PARL: variants seen among roughly 807,000 people sequenced by gnomAD.
PARL encodes presenilin associated rhomboid like.
Under a neutral mutation model 51.6 loss-of-function variants are expected in PARL, and 44 were observed. The observed-to-expected ratio is 0.85, with a 90% CI of 0.67 to 1.10. The LOEUF (loss-of-function observed/expected upper bound fraction) is 1.10. Among genes scored for constraint, PARL ranks in the 50% least tolerant of loss-of-function variants. The pLI, the probability that PARL is intolerant of heterozygous loss-of-function variation, is 0.00. For synonymous variants in PARL, 172 were observed against 164.0 expected (o/e 1.05, Z -0.37); for missense variants, 441 against 469.5 (o/e 0.94, Z 0.56).
At chr3:183,862,841 T>C (rs748249859) in intron 3 of PARL, 40 bp from the exon 4 acceptor site, 4 of 1,545,994 alleles carry the variant, frequency 2.6e-6, no homozygotes, top group Non-Finnish European at 3.6e-6. Flanking sequence ...ATGTGAGAAA[T>C]TTCAGGCTAC....
intron 1 of PARL, among the ~76,000 whole-genome samples, chr3:183,869,428 G>A (rs1577372252): frequency 6.6e-6 from 1 of 151,880 alleles, no homozygotes; most frequent in Non-Finnish European, 1.5e-5. Context: ...GGCTGGTCTC[G>A]AACTCCTGAC....
intron 9 of PARL, 60 bp downstream of exon 9, chr3:183,833,432 G>A (rs1272994717): frequency 1.0e-6 from 1 of 993,648 alleles, no homozygotes; most frequent in Non-Finnish European, 1.6e-6. Flanking sequence ...GGTGAGGCTG[G>A]GGTAGGAGGA....
chr3:183,842,543 C>T (rs1288500859), intron 5 of PARL, 96 bp from the exon 6 acceptor site: 3 of 1,154,788 alleles, frequency 2.6e-6, no homozygotes, highest in South Asian at 1.2e-5. Flanking sequence ...GACGCAGTGG[C>T]TCACGCCTGT....
chr3:183,875,440 A>G (rs1053657195), intron 1 of PARL, among the ~76,000 whole-genome samples: 7 of 143,172 alleles, frequency 4.9e-5, no homozygotes, highest in African/African-American at 1.5e-4. Flanking sequence ...AAAAAAAAAT[A>G]GAGTAAGAAA....
chr3:183,839,693 A>G (rs1729061521), intron 7 of PARL, among the ~76,000 whole-genome samples: 1 of 151,910 alleles, frequency 6.6e-6, no homozygotes, highest in Non-Finnish European at 1.5e-5. Context: ...TGCTGGGATT[A>G]CAGGTGTGAG....
intron 4 of PARL, among the ~76,000 whole-genome samples, chr3:183,853,383 C>T (rs1237242120): frequency 1.3e-5 from 2 of 151,888 alleles, no homozygotes; most frequent in Admixed American, 1.3e-4. Context: ...GCCAACATGG[C>T]GAAACCCCAT....
chr3:183,879,963 T>C lies in PARL; in HGVS notation c.125+4759A>G, dbSNP rs140359161. 2.3e-4 allele frequency among the ~76,000 whole-genome samples: 34 copies of C among 149,910 alleles called. No individual in the cohort carries two copies. The East Asian group carries it at 6.8e-3, about 30-fold the overall frequency. The stretch of plus-strand genomic sequence containing the variant: ...CCAGGCTGGTCTCGAACTCCTGACC[T>C]CAGGTGATCTGCCTGCCTCGGCCTC... On this transcript the variant is annotated intron_variant, in intron 1 of 9. Coordinates refer to ENST00000317096, the MANE Select transcript of PARL (RefSeq NM_018622.7).
At chr3:183,882,245 TTA>T (rs71963110) in intron 1 of PARL, among the ~76,000 whole-genome samples, 5,293 of 28,748 alleles carry the variant, frequency 0.18, 380 homozygotes, top group Non-Finnish European at 0.24. Flanking sequence ...ATATATATAT[TTA>T]TATATATATA....
chr3:183,882,483 G>A (rs537975218), intron 1 of PARL, among the ~76,000 whole-genome samples: 1 of 151,306 alleles, frequency 6.6e-6, no homozygotes, highest in Non-Finnish European at 1.5e-5. Context: ...CAAACGGCAA[G>A]TTTTTTAAAA....
intron 7 of PARL, 29 bp downstream of exon 7, chr3:183,840,541 T>A (rs1560380729): frequency 8.1e-6 from 9 of 1,115,196 alleles, no homozygotes; most frequent in Non-Finnish European, 1.3e-6. Flanking sequence ...AAAATTAAAT[T>A]AAAAAAAATT....
Position 183,848,624 on chromosome 3 carries a change from G to T in PARL, c.512-4298C>A, listed in dbSNP as rs903234545. On this transcript the variant is annotated intron_variant, in intron 4 of 9. Coordinates refer to ENST00000317096, the MANE Select transcript of PARL (RefSeq NM_018622.7). The stretch of plus-strand genomic sequence containing the variant: ...GCTCTTTCAAAGCCTCATTCCCAAA[G>T]AATTGTCATTATTTGACCTGGCTGT... 4.6e-5 allele frequency among the ~76,000 whole-genome samples: 7 copies of T among 152,298 alleles called. No homozygotes were observed. The South Asian group carries it at 6.2e-4, about 14-fold the overall frequency.
chr3:183,875,662 C>T (rs954123625), intron 1 of PARL, among the ~76,000 whole-genome samples: 1 of 152,148 alleles, frequency 6.6e-6, no homozygotes, highest in African/African-American at 2.4e-5. Context: ...CTCTATAACA[C>T]ACAAGTACAA....
intron 4 of PARL, among the ~76,000 whole-genome samples, chr3:183,859,348 G>A (rs1731539232): frequency 6.6e-6 from 1 of 152,068 alleles, no homozygotes; most frequent in South Asian, 2.1e-4. Flanking sequence ...GGTTTTTGTT[G>A]TTGTTTTGAG....
chr3:183,826,915 G>A (rs1727454908), downstream of PARL, among the ~76,000 whole-genome samples: 1 of 152,174 alleles, frequency 6.6e-6, no homozygotes, highest in Non-Finnish European at 1.5e-5. Context: ...CAGTTGCTAT[G>A]TGCTAGGAAT....
intron 4 of PARL, among the ~76,000 whole-genome samples, chr3:183,850,799 GAATTTGT>G (rs1219727567): frequency 6.6e-6 from 1 of 152,080 alleles, no homozygotes; most frequent in African/African-American, 2.4e-5. Context: ...TGACCAAGTG[GAATTTGT>G]CACAGGAATG....
At chr3:183,855,701 A>G (rs1455016123) in intron 4 of PARL, among the ~76,000 whole-genome samples, 3 of 152,142 alleles carry the variant, frequency 2.0e-5, no homozygotes, top group Non-Finnish European at 4.4e-5. Flanking sequence ...TCTGGGTATG[A>G]TGGGAGACAG....
intron 4 of PARL, among the ~76,000 whole-genome samples, chr3:183,859,347 T>C (rs1014025440): frequency 6.6e-6 from 1 of 152,042 alleles, no homozygotes; most frequent in Non-Finnish European, 1.5e-5. Context: ...AGGTTTTTGT[T>C]GTTGTTTTGA....
chr3:183,875,508 C>T (rs1733706338), intron 1 of PARL, among the ~76,000 whole-genome samples: 1 of 151,962 alleles, frequency 6.6e-6, no homozygotes, highest in South Asian at 2.1e-4. Flanking sequence ...ATCAAATCAG[C>T]CACAACATTC....
intron 3 of PARL, 30 bp from the exon 4 acceptor site, chr3:183,862,831 A>G: frequency 6.3e-7 from 1 of 1,581,744 alleles, no homozygotes; most frequent in Non-Finnish European, 8.7e-7. Context: ...GCATCACCAC[A>G]TGTGAGAAAT....
Sources: allele counts gnomAD v4.1 joint callset (sites outside exome capture counted in the v4.1 genomes callset), GRCh38; gene constraint gnomAD v4.1.1; transcripts MANE v1.5; gene names NCBI Gene and HGNC (gene_info 2026-07-23, HGNC 2026-07-21).